The following WASF1 variants were observed in gnomAD, a reference collection of about 807,000 sequenced individuals.
WASF1 encodes actin-binding protein WASF1.
WASF1 carries 7 observed loss-of-function variants against 50.5 expected under a neutral mutation model. That is an observed-to-expected ratio of 0.14 (90% CI 0.08 to 0.26). The LOEUF (loss-of-function observed/expected upper bound fraction) is 0.26, where lower values mean the gene tolerates loss of function less well. Ranked by LOEUF, WASF1 falls within the 10% of genes least tolerant of loss-of-function variation. The pLI is 1.00. For missense variants in WASF1, 470 were observed against 694.7 expected, an observed-to-expected ratio of 0.68 and a Z score of 3.64; for synonymous variants, 205 against 244.0, an observed-to-expected ratio of 0.84 and a Z score of 1.49.
intron 2 of WASF1, among the ~76,000 whole-genome samples, chr6:110,166,689 A>G (rs1239666505): frequency 3.3e-5 from 5 of 151,896 alleles, no homozygotes; most frequent in Non-Finnish European, 7.4e-5. Context: ...AGCAGTTAGG[A>G]GTACAGAGTC....
intron 3 of WASF1, among the ~76,000 whole-genome samples, chr6:110,132,086 G>C (rs979167224): frequency 1.3e-5 from 2 of 152,058 alleles, no homozygotes; most frequent in Admixed American, 6.6e-5. Context: ...ATGTTTTATA[G>C]TTTTCTAAAG....
In WASF1 at chr6:110,145,469, TGCCCTG is replaced by T. The variant is rs1775511347; in HGVS notation, c.-29+15160_-29+15165del. On this transcript the variant is annotated intron_variant, in intron 3 of 10. Transcript: ENST00000392589. ...CCTTTATTCCCTTCTCCTGCCTGAT[TGCCCTG>T]GCCAGAACTTCCAACGCTATGTTGA... 2.0e-5 allele frequency among the ~76,000 whole-genome samples: 3 copies of T among 152,204 alleles called. No individual in the cohort carries two copies. The South Asian group carries it at 6.2e-4, about 31-fold the overall frequency.
intron 4 of WASF1, among the ~76,000 whole-genome samples, chr6:110,114,212 T>G (rs1773692931): frequency 6.6e-6 from 1 of 152,224 alleles, no homozygotes; most frequent in Non-Finnish European, 1.5e-5. Context: ...TTTTCCATCA[T>G]GTTTTATGCA....
intron 8 of WASF1, 28 bp downstream of exon 8, chr6:110,105,379 T>TA (rs1279393154): frequency 6.4e-7 from 1 of 1,571,392 alleles, no homozygotes. Flanking sequence ...GTTTTATCAT[T>TA]TAAAAAAAAA....
chr6:110,108,005 T>C lies in WASF1; in HGVS notation c.422+523A>G, dbSNP rs147295194. On this transcript the variant is annotated intron_variant, in intron 6 of 10. Coordinates refer to ENST00000392589, the MANE Select transcript of WASF1 (RefSeq NM_003931.3). The stretch of plus-strand genomic sequence containing the variant: ...AGTGAAACCCCATCTCTACTAAAAA[T>C]ATAAAAATTTAGCCGGGCTTGGTGG... 7.3e-3 allele frequency among the ~76,000 whole-genome samples: 1,103 copies of C among 151,524 alleles called. 14 individuals carry two copies. The highest frequency in any genetic ancestry group is 0.025 in the African/African-American group (1,032 of 41,318).
chr6:110,099,965 G>A lies in WASF1; in HGVS notation c.*557C>T, dbSNP rs1773014115. On this transcript the variant is annotated 3_prime_UTR_variant, in exon 11 of 11. Transcript: ENST00000392589. ...AATCATATCACACAATATATAAGTG[G>A]GAAGGGGATACTGCTAAACATTCAA... 6.6e-6 allele frequency: 1 copy of A among 152,500 alleles called. No individual in the cohort carries two copies. The highest frequency in any genetic ancestry group is 1.5e-5 in the Non-Finnish European group (1 of 68,014). 9.4% of individuals were successfully genotyped at this position (152,500 alleles called of 1,614,324 possible). A position where few individuals can be genotyped will look rare whatever the true frequency, so the allele number is the denominator to read the frequency against.
intron 5 of WASF1, 113 bp from the exon 6 acceptor site, chr6:110,108,794 A>C: frequency 3.2e-6 from 3 of 927,176 alleles, no homozygotes; most frequent in South Asian, 3.8e-5. Context: ...AGAGGTTGTG[A>C]CCTTAGTGGC....
chr6:110,101,469 T>C (rs1303394399), intron 10 of WASF1, 119 bp downstream of exon 10: 2 of 1,344,708 alleles, frequency 1.5e-6, no homozygotes, highest in East Asian at 2.4e-5. Flanking sequence ...CTAAAGGCCA[T>C]TTGTACACAA....
At position 110,102,136 on chromosome 6, in the gene WASF1, G is replaced by T; in HGVS notation, c.974C>A (p.Pro325Gln). ...RTPVFVSPTP[P>Q]PPPPPLPSAL... ...AGATGGAAGAGGTGGTGGAGGAGGT[G>T]GGGGAGTGGGGCTCACAAACACAGG... is the stretch of plus-strand genomic sequence containing the variant. The change falls in exon 10 of 11, where the codon CCA (proline) becomes CAA (glutamine). Residue 325 changes from proline to glutamine, a missense_variant. Around this residue, in one of 3 missense-constraint regions of WASF1, gnomAD observed 294 missense variants for 343.5 expected, o/e 0.86. Coordinates refer to ENST00000392589, the MANE Select transcript of WASF1 (RefSeq NM_003931.3). 4.0e-6 allele frequency: 6 copies of T among 1,483,428 alleles called. No individual in the cohort carries two copies. The highest frequency in any genetic ancestry group is 5.4e-6 in the Non-Finnish European group (6 of 1,116,984). The allele number at this position is 1,483,428 out of a possible 1,614,324, so 91.9% of individuals were successfully genotyped here. A position where few individuals can be genotyped will look rare whatever the true frequency, so the allele number is the denominator to read the frequency against.
At chr6:110,140,758 T>C (rs1039009506) in intron 3 of WASF1, among the ~76,000 whole-genome samples, 1 of 152,044 alleles carries the variant, frequency 6.6e-6, no homozygotes, top group African/African-American at 2.4e-5. Flanking sequence ...AGTACTGAAC[T>C]CCCCCTTCTT....
intron 4 of WASF1, among the ~76,000 whole-genome samples, chr6:110,122,806 T>A (rs536967005): frequency 6.6e-6 from 1 of 152,288 alleles, no homozygotes; most frequent in East Asian, 1.9e-4. Flanking sequence ...TAGTAGGCTA[T>A]AGGCAGTTAA....
At chr6:110,148,644 CTA>C (rs1310339557) in intron 3 of WASF1, among the ~76,000 whole-genome samples, 2 of 152,022 alleles carry the variant, frequency 1.3e-5, no homozygotes, top group Non-Finnish European at 2.9e-5. Context: ...TGACGATTTT[CTA>C]TGTTGTCCTA....
At chr6:110,168,443 T>C (rs1311768141) in intron 2 of WASF1, among the ~76,000 whole-genome samples, 2 of 152,128 alleles carry the variant, frequency 1.3e-5, no homozygotes, top group South Asian at 4.1e-4. Context: ...CTACTGTATA[T>C]GAGGCATGCA....
Position 110,100,544 on chromosome 6 carries a change from T to C in WASF1, c.1658A>G (p.Asp553Gly). ...YSDSEDDSEF[D>G]EVDWLE The stretch of plus-strand genomic sequence containing the variant: ...TTCTTACTCCAACCAATCTACTTCA[T>C]CAAATTCTGAATCATCTTCCGAATC... Residue 553 changes from aspartate (D) to glycine (G), a missense_variant, in exon 11 of 11, where the codon GAT becomes GGT. By Grantham distance (94) the Asp-to-Gly change is moderately conservative. Coordinates refer to ENST00000392589, the MANE Select transcript of WASF1 (RefSeq NM_003931.3). The C allele has an allele frequency of 6.2e-7, 1 of 1,612,604 alleles. No individual in the cohort carries two copies. Among genetic ancestry groups the C allele is most frequent in the Non-Finnish European group, 8.5e-7 (1 of 1,179,352 alleles).
chr6:110,175,665 T>G (rs943074537), intron 2 of WASF1, among the ~76,000 whole-genome samples: 1 of 152,194 alleles, frequency 6.6e-6, no homozygotes, highest in African/African-American at 2.4e-5. Flanking sequence ...CGCAGAAGAC[T>G]GCATTTCCTT....
chr6:110,119,895 T>A (rs1774010417), intron 4 of WASF1, among the ~76,000 whole-genome samples: 1 of 152,072 alleles, frequency 6.6e-6, no homozygotes, highest in Admixed American at 6.5e-5. Flanking sequence ...CATATGCAAA[T>A]CAATAAACGT....
chr6:110,145,554 G>T (rs908544916), intron 3 of WASF1, among the ~76,000 whole-genome samples: 6 of 152,274 alleles, frequency 3.9e-5, no homozygotes, highest in Admixed American at 3.9e-4. Context: ...CAAAGGGAAT[G>T]CTTCCAGTTT....
chr6:110,151,692 T>C (rs1775832922), intron 3 of WASF1, among the ~76,000 whole-genome samples: 1 of 152,186 alleles, frequency 6.6e-6, no homozygotes, highest in African/African-American at 2.4e-5. Flanking sequence ...CTTAAAAAAC[T>C]TACAAAATCA....
chr6:110,169,939 C>T (rs1310977888), intron 2 of WASF1, among the ~76,000 whole-genome samples: 2 of 151,944 alleles, frequency 1.3e-5, no homozygotes, highest in African/African-American at 4.8e-5. Flanking sequence ...ACGATAAATA[C>T]CAGAAAATCT....
Sources: allele counts gnomAD v4.1 joint callset (sites outside exome capture counted in the v4.1 genomes callset), GRCh38; gene constraint gnomAD v4.1.1; regional missense constraint gnomAD v4.1.1; transcripts MANE v1.5; gene names NCBI Gene and HGNC (gene_info 2026-07-23, HGNC 2026-07-21).